Variants in ATP11A observed in about 807,000 individuals in gnomAD.
ATP11A encodes phospholipid-transporting ATPase IH.
In ATP11A, 81 loss-of-function variants were observed where a neutral mutation model predicts 154.4. That is an observed-to-expected ratio of 0.52 (90% confidence interval 0.44 to 0.63). The LOEUF is 0.63. Among genes scored for constraint, ATP11A ranks in the 30% least tolerant of loss-of-function variants. The probability of loss-of-function intolerance (pLI) is 0.00; values close to 1 mark genes in which losing one functional copy is unlikely to be tolerated. For missense variants in ATP11A, 1,316 were observed against 1,474.3 expected, an observed-to-expected ratio of 0.89 and a Z score of 1.76; for synonymous variants, 623 against 585.9, an observed-to-expected ratio of 1.06 and a Z score of -0.91.
intron 1 of ATP11A, among the ~76,000 whole-genome samples, chr13:112,743,655 A>G (rs1891799035): frequency 6.6e-6 from 1 of 152,082 alleles, no homozygotes; most frequent in South Asian, 2.1e-4. Context: ...TCCTGCTAGC[A>G]CTGACAGCAT....
chr13:112,857,704 A>C (rs929279525), intron 20 of ATP11A, 114 bp from the exon 21 acceptor site: 19 of 855,734 alleles, frequency 2.2e-5, no homozygotes, highest in Middle Eastern at 2.8e-4. Context: ...TAAGTAGTTA[A>C]TTTTTTTATT....
intron 2 of ATP11A, among the ~76,000 whole-genome samples, chr13:112,800,949 C>T (rs1367002655): frequency 6.6e-6 from 1 of 152,192 alleles, no homozygotes; most frequent in East Asian, 1.9e-4. Flanking sequence ...TCACTACCCA[C>T]TCATGTACTG....
intron 29 of ATP11A, 42 bp downstream of exon 29, chr13:112,878,345 C>T (rs765184682): frequency 5.6e-6 from 9 of 1,598,684 alleles, no homozygotes; most frequent in Admixed American, 1.7e-5. Flanking sequence ...ATGGTAGACA[C>T]GGGGCAGCAG....
At chr13:112,693,457 T>C (rs557342374) in intron 1 of ATP11A, among the ~76,000 whole-genome samples, 12 of 150,886 alleles carry the variant, frequency 8.0e-5, no homozygotes, top group African/African-American at 2.7e-4. Flanking sequence ...ATGTATGAGC[T>C]GTGGGTACGG....
At chr13:112,844,504 A>G (rs1406105597) in intron 17 of ATP11A, among the ~76,000 whole-genome samples, 1 of 151,894 alleles carries the variant, frequency 6.6e-6, no homozygotes, top group Non-Finnish European at 1.5e-5. Flanking sequence ...GCCAACTCCC[A>G]CTCGCTGGAG....
rs117968293 is a variant in ATP11A at position 112,726,694 on chromosome 13, C to A, written c.39+36239C>A. 6.4e-3 allele frequency among the ~76,000 whole-genome samples: 981 copies of A among 152,266 alleles called. 12 individuals carry two copies. The highest frequency in any genetic ancestry group is 8.5e-3 in the Non-Finnish European group (579 of 68,022). The stretch of plus-strand genomic sequence containing the variant: ...GCTTTGCAAACTGGAAAAAAAAGTC[C>A]ATTGCTTTTGCAATTTGAAGGGCTC... On this transcript the variant is annotated intron_variant, in intron 1 of 29. Coordinates refer to ENST00000375645, the MANE Select transcript of ATP11A (RefSeq NM_015205.3).
At chr13:112,780,432 C>A (rs575886890) in intron 1 of ATP11A, among the ~76,000 whole-genome samples, 2 of 152,210 alleles carry the variant, frequency 1.3e-5, no homozygotes, top group Admixed American at 1.3e-4. Flanking sequence ...AATGGACTCA[C>A]AACATGGTGT....
intron 1 of ATP11A, among the ~76,000 whole-genome samples, chr13:112,716,287 T>A (rs972035396): frequency 5.9e-5 from 9 of 152,216 alleles, no homozygotes; most frequent in South Asian, 2.1e-4. Context: ...CGCATCTCTC[T>A]CTGCCCCTCC....
Position 112,772,221 on chromosome 13 carries a change from T to C in ATP11A, c.40-12914T>C, listed in dbSNP as rs2077243028. 2.0e-5 allele frequency among the ~76,000 whole-genome samples: 3 copies of C among 152,216 alleles called. No homozygotes were observed. In the South Asian group the frequency reaches 6.2e-4, roughly 32 times the overall value. On this transcript the variant is annotated intron_variant, in intron 1 of 29. Coordinates refer to ENST00000375645, the MANE Select transcript of ATP11A (RefSeq NM_015205.3). ...TATGTCAACAGTGCTCTATATACTA[T>C]ATATAAAAACTAAACTTTAAAAATG...
intron 1 of ATP11A, among the ~76,000 whole-genome samples, chr13:112,751,348 C>T (rs1443989431): frequency 1.3e-5 from 2 of 152,056 alleles, no homozygotes; most frequent in African/African-American, 2.4e-5. Flanking sequence ...TTTGTGAGAG[C>T]TCTTTTTATA....
chr13:112,817,683 G>A (rs114901467), intron 6 of ATP11A, among the ~76,000 whole-genome samples: 73 of 152,314 alleles, frequency 4.8e-4, no homozygotes, highest in African/African-American at 1.7e-3. Context: ...CAGATGCTGT[G>A]GGTCTCCAGA....
intron 12 of ATP11A, 108 bp downstream of exon 12, chr13:112,826,999 T>C: frequency 8.7e-7 from 1 of 1,147,226 alleles, no homozygotes; most frequent in South Asian, 1.3e-5. Context: ...TACCTGTAGC[T>C]GGCGTAAGAC....
intron 4 of ATP11A, among the ~76,000 whole-genome samples, chr13:112,808,368 C>T (rs1274867261): frequency 1.3e-5 from 2 of 152,080 alleles, no homozygotes; most frequent in Non-Finnish European, 1.5e-5. Context: ...TGCCTCTGCC[C>T]AGAGGGGTCT....
At chr13:112,774,566 C>T (rs529145539) in intron 1 of ATP11A, among the ~76,000 whole-genome samples, 38 of 152,338 alleles carry the variant, frequency 2.5e-4, no homozygotes, top group African/African-American at 8.9e-4. Flanking sequence ...TCACAAAAGA[C>T]GTGTACCAGA....
At chr13:112,848,750 C>T (rs187463376) in intron 17 of ATP11A, among the ~76,000 whole-genome samples, 50 of 152,322 alleles carry the variant, frequency 3.3e-4, no homozygotes, top group African/African-American at 1.2e-3. Context: ...TGCAATGGCA[C>T]GATCTCGGCT....
At chr13:112,877,784 C>T (rs1214389589) in intron 28 of ATP11A, among the ~76,000 whole-genome samples, 2 of 152,214 alleles carry the variant, frequency 1.3e-5, no homozygotes, top group Middle Eastern at 3.2e-3. Context: ...GTCGGGGCTG[C>T]CGAGGGCCAC....
At chr13:112,722,804 G>T (rs1355507066) in intron 1 of ATP11A, among the ~76,000 whole-genome samples, 1 of 152,218 alleles carries the variant, frequency 6.6e-6, no homozygotes, top group East Asian at 1.9e-4. Flanking sequence ...GGGGCTGGTT[G>T]GATGTTACAC....
intron 1 of ATP11A, among the ~76,000 whole-genome samples, chr13:112,760,338 G>A (rs1463078298): frequency 2.0e-5 from 3 of 152,210 alleles, no homozygotes; most frequent in Non-Finnish European, 4.4e-5. Flanking sequence ...CCCCCGCCGA[G>A]TCCAGTGTGG....
At chr13:112,695,053 C>T (rs1242877758) in intron 1 of ATP11A, among the ~76,000 whole-genome samples, 1 of 152,182 alleles carries the variant, frequency 6.6e-6, no homozygotes, top group Non-Finnish European at 1.5e-5. Context: ...ATTTATTTAA[C>T]TCAGTTATGC....
Sources: gnomAD v4.1 joint callset for allele counts (sites outside exome capture counted in the v4.1 genomes callset) on GRCh38, gnomAD v4.1.1 for gene constraint, MANE v1.5 for transcripts, NCBI Gene and HGNC (gene_info 2026-07-23, HGNC 2026-07-21) for gene names.